Variants in PTPN14 observed in about 807,000 individuals in gnomAD.
PTPN14 encodes tyrosine-protein phosphatase non-receptor type 14.
In PTPN14, 53 loss-of-function variants were observed where a neutral mutation model predicts 126.8. The ratio of observed to expected loss-of-function variants is 0.42; its 90% CI spans 0.34 to 0.53. The LOEUF (loss-of-function observed/expected upper bound fraction) is 0.53, where lower values mean the gene tolerates loss of function less well. Ranked by LOEUF, PTPN14 falls within the 20% of genes least tolerant of loss-of-function variation. The pLI is 0.08. For synonymous variants in PTPN14, 630 were observed against 599.3 expected (o/e 1.05, Z -0.75); for missense variants, 1,257 against 1,552.9 (o/e 0.81, Z 3.20).
chr1:214,521,166 T>C (rs1655244607), intron 1 of PTPN14, among the ~76,000 whole-genome samples: 1 of 152,220 alleles, frequency 6.6e-6, no homozygotes, highest in African/African-American at 2.4e-5. Context: ...CATGAATCAG[T>C]GAGAGATCCA....
rs1163173014 is a variant in PTPN14, at chr1:214,464,204, T to C, written c.174+426A>G. 6.6e-5 allele frequency among the ~76,000 whole-genome samples: 6 copies of C among 90,794 alleles called. No homozygotes were observed. In the East Asian group the frequency reaches 1.8e-3, roughly 27 times the overall value. 59.6% of individuals were successfully genotyped at this position (90,794 alleles called of 152,430 possible). On this transcript the variant is annotated intron_variant, in intron 2 of 18. Transcript: ENST00000366956. Reference sequence around the variant, plus strand: ...GGGTTTTTTTTTTTTTAGAGGAAAATATAGAAACAACCAAAAAAAAAAAAA... The same window carrying C: ...GGGTTTTTTTTTTTTTAGAGGAAAACATAGAAACAACCAAAAAAAAAAAAA...
In PTPN14 at chr1:214,348,797, T is replaced by C. The variant is rs1055851950; in HGVS notation, c.*9125A>G. 2.0e-5 allele frequency: 3 copies of C among 152,142 alleles called. No homozygotes were observed. Among genetic ancestry groups the C allele is most frequent in the African/African-American group, 7.2e-5 (3 of 41,420 alleles). 9.4% of individuals were successfully genotyped at this position (152,142 alleles called of 1,614,324 possible). ...GATCTCACATTTGTAAAGGCACATA[T>C]GAAACATTTTATAGCAAGCACAAGG... On this transcript the variant is annotated 3_prime_UTR_variant, in exon 19 of 19. Coordinates refer to ENST00000366956, the MANE Select transcript of PTPN14 (RefSeq NM_005401.5).
intron 3 of PTPN14, among the ~76,000 whole-genome samples, chr1:214,449,372 C>T (rs1025279246): frequency 1.3e-5 from 2 of 152,282 alleles, no homozygotes; most frequent in Non-Finnish European, 2.9e-5. Flanking sequence ...TTCTGAGTCC[C>T]TCTTTATTTC....
Position 214,355,476 on chromosome 1 carries a change from A to C in PTPN14, c.*2446T>G, listed in dbSNP as rs1657796749. On this transcript the variant is annotated 3_prime_UTR_variant, in exon 19 of 19. Coordinates refer to ENST00000366956, the MANE Select transcript of PTPN14 (RefSeq NM_005401.5). ...AAAGGAAACAAGTATCTTTTTGCTTATTGATGAGCTTCTTATAATAAGGGT... is the reference window on the plus strand; with the variant it reads ...AAAGGAAACAAGTATCTTTTTGCTTCTTGATGAGCTTCTTATAATAAGGGT... The C allele has an allele frequency of 1.3e-5, 2 of 152,230 alleles. No homozygotes were observed. The highest frequency in any genetic ancestry group is 1.3e-4 in the Admixed American group (2 of 15,292). The allele number at this position is 152,230 out of a possible 1,614,324, so 9.4% of individuals were successfully genotyped here.
intron 1 of PTPN14, among the ~76,000 whole-genome samples, chr1:214,508,412 C>T (rs1338139099): frequency 6.6e-6 from 1 of 152,134 alleles, no homozygotes; most frequent in Admixed American, 6.5e-5. Context: ...TTTTGCTCAT[C>T]CATAAAAAGT....
rs141869234 is a variant in PTPN14 at position 214,521,226 on chromosome 1, T to C, written c.-155+29957A>G. Among the ~76,000 whole-genome samples, 720 of 152,334 alleles carry C rather than the reference T, an allele frequency of 4.7e-3. 3 individuals carry two copies. Among genetic ancestry groups the C allele is most frequent in the African/African-American group, 0.016 (681 of 41,578 alleles). ...TTTATAAAAATATTTCTCATATAAA[T>C]GCATACACGAGTATGCTGTTTTCAC... On this transcript the variant is annotated intron_variant, in intron 1 of 18. Coordinates refer to ENST00000366956, the MANE Select transcript of PTPN14 (RefSeq NM_005401.5).
intron 2 of PTPN14, among the ~76,000 whole-genome samples, chr1:214,460,524 AACACACAC>A (rs10522279): frequency 8.3e-5 from 11 of 132,574 alleles, no homozygotes; most frequent in East Asian, 4.5e-4. Flanking sequence ...TGAAAATTCC[AACACACAC>A]ACACACACAC....
chr1:214,521,891 T>G (rs1423052489), intron 1 of PTPN14, among the ~76,000 whole-genome samples: 2 of 143,478 alleles, frequency 1.4e-5, no homozygotes, highest in African/African-American at 5.7e-5. Context: ...AAGATTTTTG[T>G]TGTTTTTTTT....
intron 1 of PTPN14, among the ~76,000 whole-genome samples, chr1:214,520,952 T>G (rs1348786188): frequency 6.6e-6 from 1 of 152,074 alleles, no homozygotes. Context: ...AAAATTGCCT[T>G]CCGTCTTTCT....
In PTPN14 at chr1:214,350,761, G is replaced by A. The variant is rs1229202794; in HGVS notation, c.*7161C>T. The stretch of plus-strand genomic sequence containing the variant: ...TTTAGTAGAGACGGGATTTCACCAT[G>A]TTGGCCAGGCTGGTCTTGAACGCCT... On this transcript the variant is annotated 3_prime_UTR_variant, in exon 19 of 19. Coordinates refer to ENST00000366956, the MANE Select transcript of PTPN14 (RefSeq NM_005401.5). The A allele has an allele frequency of 8.5e-6, 1 of 118,158 alleles. No individual in the cohort carries two copies. The highest frequency in any genetic ancestry group is 1.6e-5 in the Non-Finnish European group (1 of 60,994). The allele number at this position is 118,158 out of a possible 1,614,324, so 7.3% of individuals were successfully genotyped here.
intron 18 of PTPN14, among the ~76,000 whole-genome samples, chr1:214,362,853 G>T (rs541467974): frequency 3.3e-5 from 5 of 152,196 alleles, no homozygotes; most frequent in African/African-American, 1.2e-4. Flanking sequence ...AAGAAAAAAA[G>T]AAAAGAAAAC....
intron 3 of PTPN14, among the ~76,000 whole-genome samples, chr1:214,449,490 C>T (rs1374487254): frequency 2.0e-5 from 3 of 152,156 alleles, no homozygotes; most frequent in African/African-American, 7.2e-5. Context: ...AATTTCTAGT[C>T]CATGTTTCAC....
rs561271706 is a variant in PTPN14, at chr1:214,370,280, C to CAA, written c.3037-591_3037-590dup. Reference sequence around the variant, plus strand: ...GGGCAACAGAGGGGAGATTCCATCTCAAAAAAAAAAAAAAAAGAAAAAAGA... The same window carrying CAA: ...GGGCAACAGAGGGGAGATTCCATCTCAAAAAAAAAAAAAAAAAAGAAAAAAGA... On this transcript the variant is annotated intron_variant, in intron 16 of 18. Coordinates refer to ENST00000366956, the MANE Select transcript of PTPN14 (RefSeq NM_005401.5). 1.1e-3 allele frequency among the ~76,000 whole-genome samples: 103 copies of CAA among 97,364 alleles called. 2 individuals are homozygous for CAA. Among genetic ancestry groups the CAA allele is most frequent in the Middle Eastern group, 6.6e-3 (1 of 152 alleles). The allele number at this position is 97,364 out of a possible 152,430, so 63.9% of individuals were successfully genotyped here. A position where few individuals can be genotyped will look rare whatever the true frequency, so the allele number is the denominator to read the frequency against.
intron 5 of PTPN14, among the ~76,000 whole-genome samples, chr1:214,407,377 A>C (rs1042001375): frequency 5.3e-5 from 8 of 152,060 alleles, no homozygotes; most frequent in African/African-American, 1.9e-4. Context: ...AAATACAAAA[A>C]ATTAGCTGGG....
At chr1:214,439,465 C>A (rs1023396593) in intron 3 of PTPN14, among the ~76,000 whole-genome samples, 2 of 152,198 alleles carry the variant, frequency 1.3e-5, no homozygotes, top group African/African-American at 4.8e-5. Context: ...GTCTAACTCG[C>A]ATTTCAGTTA....
At chr1:214,372,990 G>A in intron 15 of PTPN14, 151 bp from the exon 16 acceptor site, 1 of 1,094,526 alleles carries the variant, frequency 9.1e-7, no homozygotes, top group Non-Finnish European at 1.3e-6. Flanking sequence ...TGAGACTACA[G>A]AGGCTAGTGT....
intron 1 of PTPN14, among the ~76,000 whole-genome samples, chr1:214,544,206 G>C (rs1034565142): frequency 4.6e-5 from 7 of 152,096 alleles, no homozygotes; most frequent in African/African-American, 1.7e-4. Context: ...TAGGAGGATC[G>C]CTTGAGCCCA....
chr1:214,509,328 T>C (rs1654914967), intron 1 of PTPN14, among the ~76,000 whole-genome samples: 1 of 152,240 alleles, frequency 6.6e-6, no homozygotes, highest in African/African-American at 2.4e-5. Flanking sequence ...TGCACTTTCA[T>C]GTTATGGAAA....
At chr1:214,549,256 C>T (rs1228716197) in intron 1 of PTPN14, among the ~76,000 whole-genome samples, 2 of 152,204 alleles carry the variant, frequency 1.3e-5, no homozygotes, top group Non-Finnish European at 2.9e-5. Flanking sequence ...AGGCAAACCA[C>T]GTACAGAATG....
Sources: allele counts gnomAD v4.1 joint callset (sites outside exome capture counted in the v4.1 genomes callset), GRCh38; gene constraint gnomAD v4.1.1; transcripts MANE v1.5; gene names NCBI Gene and HGNC (gene_info 2026-07-23, HGNC 2026-07-21).